Variants in ZDHHC17 observed in about 807,000 individuals in gnomAD.
The protein encoded by ZDHHC17 is zDHHC palmitoyltransferase 17, also known as palmitoyltransferase ZDHHC17.
A neutral mutation model predicts 90.3 loss-of-function variants in ZDHHC17; 40 were observed. The ratio of observed to expected loss-of-function variants is 0.44; its 90% CI spans 0.34 to 0.58. ZDHHC17 has a LOEUF of 0.58. Among genes scored for constraint, ZDHHC17 ranks in the 20% least tolerant of loss-of-function variants. ZDHHC17 has a pLI of 0.01. For synonymous variants in ZDHHC17, 235 were observed against 252.4 expected (o/e 0.93, Z 0.65); for missense variants, 614 against 780.8 (o/e 0.79, Z 2.55).
intron 1 of ZDHHC17, among the ~76,000 whole-genome samples, chr12:76,789,515 A>C (rs1952734297): frequency 6.6e-6 from 1 of 152,346 alleles, no homozygotes; most frequent in Admixed American, 6.5e-5. Flanking sequence ...TGGTATATGC[A>C]GTGGTATATA....
intron 2 of ZDHHC17, among the ~76,000 whole-genome samples, chr12:76,799,571 T>C (rs143933395): frequency 2.7e-4 from 41 of 152,332 alleles, no homozygotes; most frequent in African/African-American, 9.9e-4. Flanking sequence ...TTCTGCGTGT[T>C]GGAGCATGTT....
At chr12:76,847,310 T>G (rs1173202069) in intron 14 of ZDHHC17, among the ~76,000 whole-genome samples, 1 of 152,202 alleles carries the variant, frequency 6.6e-6, no homozygotes, top group Non-Finnish European at 1.5e-5. Context: ...ATGTATTAGA[T>G]CCTCGTTTAA....
Position 76,809,102 on chromosome 12 carries a change from C to T in ZDHHC17, c.380C>T (p.Pro127Leu). The change falls in exon 4 of 17, where the codon CCA (proline) becomes CTA (leucine). Residue 127 changes from proline (P) to leucine (L), a missense_variant. Physicochemically the swap from Pro to Leu is moderately conservative, Grantham distance 98. Coordinates refer to ENST00000426126, the MANE Select transcript of ZDHHC17 (RefSeq NM_015336.4). ...CTTGGAGGGGACCTGAATTCAACTC[C>T]ATTGCACTGGGCCACAAGGTTTAAA... is the stretch of plus-strand genomic sequence containing the variant. Reference protein sequence around the residue: ...DQLGGDLNSTPLHWATRQGHL... With the variant: ...DQLGGDLNSTLLHWATRQGHL... 6.4e-7 allele frequency: 1 copy of T among 1,562,612 alleles called. No individual in the cohort carries two copies. The highest frequency in any genetic ancestry group is 8.7e-7 in the Non-Finnish European group (1 of 1,155,434).
intron 1 of ZDHHC17, among the ~76,000 whole-genome samples, chr12:76,788,688 A>ATATATTTTTTTTTTTTT (rs61663401): frequency 3.0e-5 from 3 of 98,648 alleles, no homozygotes; most frequent in East Asian, 3.6e-4. Context: ...TGGAATCGCA[A>ATATATTTTTTTTTTTTT]TTTTTTTTTT....
intron 1 of ZDHHC17, among the ~76,000 whole-genome samples, chr12:76,785,475 A>C (rs78308312): frequency 3.7e-4 from 57 of 152,226 alleles, no homozygotes; most frequent in Non-Finnish European, 6.6e-4. Flanking sequence ...TAAAGTTAAA[A>C]ATTATAAGTT....
intron 2 of ZDHHC17, among the ~76,000 whole-genome samples, chr12:76,802,300 T>C (rs1295782502): frequency 2.0e-5 from 3 of 152,252 alleles, no homozygotes; most frequent in African/African-American, 7.2e-5. Context: ...AAGTTTCTGA[T>C]GAGAAATCTT....
At chr12:76,804,951 A>AAC (rs1952938506) in intron 2 of ZDHHC17, among the ~76,000 whole-genome samples, 1 of 152,106 alleles carries the variant, frequency 6.6e-6, no homozygotes, top group Non-Finnish European at 1.5e-5. Context: ...AATCATTTAT[A>AAC]TGCATCTTGT....
At chr12:76,836,848 G>A (rs1393669817) in intron 10 of ZDHHC17, among the ~76,000 whole-genome samples, 1 of 152,114 alleles carries the variant, frequency 6.6e-6, no homozygotes, top group East Asian at 1.9e-4. Flanking sequence ...TATTAAGTAT[G>A]TGTAAGTTTA....
At chr12:76,834,167 A>C (rs1031053645) in intron 10 of ZDHHC17, among the ~76,000 whole-genome samples, 1 of 152,204 alleles carries the variant, frequency 6.6e-6, no homozygotes, top group South Asian at 2.1e-4. Flanking sequence ...AATTGGACTC[A>C]TGACTGATTT....
chr12:76,766,817 C>T (rs1344527315), intron 1 of ZDHHC17, among the ~76,000 whole-genome samples: 5 of 151,816 alleles, frequency 3.3e-5, no homozygotes, highest in African/African-American at 4.8e-5. Flanking sequence ...CCCAGGAGTT[C>T]GAGACCATCC....
intron 1 of ZDHHC17, among the ~76,000 whole-genome samples, chr12:76,794,061 T>G (rs928196893): frequency 1.3e-5 from 2 of 151,854 alleles, no homozygotes; most frequent in Admixed American, 6.6e-5. Context: ...AAATTTTGTA[T>G]TTTTTAGTAG....
intron 1 of ZDHHC17, among the ~76,000 whole-genome samples, chr12:76,786,005 A>G (rs1283401116): frequency 1.3e-5 from 2 of 152,236 alleles, no homozygotes; most frequent in Non-Finnish European, 2.9e-5. Context: ...ATATTAATAC[A>G]GAGGAAGGGA....
In ZDHHC17 at chr12:76,815,990, G is replaced by T; in HGVS notation, c.742G>T (p.Gly248Ter). The change falls in exon 7 of 17, where the codon GGA (glycine) becomes TGA (stop). Residue 248 changes from glycine (G) to a stop codon, truncating the protein, a stop_gained. Coordinates refer to ENST00000426126, the MANE Select transcript of ZDHHC17 (RefSeq NM_015336.4). LOFTEE classifies it high-confidence loss of function. ...TTVISLLLEA[G>*]ANVDAQNIKG... Reference sequence around the variant, plus strand: ...AGTCATTAGCCTTCTTCTGGAAGCTGGAGCTAATGTTGATGCCCAGAATAT... The same window carrying T: ...AGTCATTAGCCTTCTTCTGGAAGCTTGAGCTAATGTTGATGCCCAGAATAT... 6.4e-7 allele frequency: 1 copy of T among 1,564,674 alleles called. No homozygotes were observed. Among genetic ancestry groups the T allele is most frequent in the Non-Finnish European group, 8.7e-7 (1 of 1,154,938 alleles).
intron 1 of ZDHHC17, among the ~76,000 whole-genome samples, chr12:76,776,313 A>G (rs939703105): frequency 2.6e-5 from 4 of 152,150 alleles, no homozygotes; most frequent in Admixed American, 2.0e-4. Context: ...TGATTATTGT[A>G]AAAAATTTAA....
intron 2 of ZDHHC17, among the ~76,000 whole-genome samples, chr12:76,800,400 AC>A (rs1465534448): frequency 1.3e-5 from 2 of 152,194 alleles, no homozygotes; most frequent in East Asian, 3.8e-4. Flanking sequence ...TTCCTTACTT[AC>A]GTCTAGTTCT....
At chr12:76,768,426 A>G (rs1425822151) in intron 1 of ZDHHC17, among the ~76,000 whole-genome samples, 2 of 152,226 alleles carry the variant, frequency 1.3e-5, no homozygotes, top group East Asian at 3.8e-4. Context: ...CAACTTGAGC[A>G]TCTGTCTACT....
At chr12:76,776,896 A>G (rs558222084) in intron 1 of ZDHHC17, among the ~76,000 whole-genome samples, 18 of 152,306 alleles carry the variant, frequency 1.2e-4, no homozygotes, top group African/African-American at 3.8e-4. Context: ...ATATTTTATG[A>G]TAAATTGTGC....
intron 14 of ZDHHC17, 113 bp downstream of exon 14, chr12:76,846,792 T>G (rs1399257670): frequency 2.3e-6 from 2 of 864,098 alleles, no homozygotes; most frequent in Admixed American, 5.0e-5. Flanking sequence ...AAAATTATGG[T>G]TTGGACACCT....
At chr12:76,806,072 T>C (rs1247013815) in intron 3 of ZDHHC17, among the ~76,000 whole-genome samples, 3 of 152,190 alleles carry the variant, frequency 2.0e-5, no homozygotes, top group Non-Finnish European at 4.4e-5. Flanking sequence ...TTTGACACTT[T>C]GGACACAAAA....
Sources: gnomAD v4.1 joint callset for allele counts (sites outside exome capture counted in the v4.1 genomes callset) on GRCh38, gnomAD v4.1.1 for gene constraint, MANE v1.5 for transcripts, NCBI Gene and HGNC (gene_info 2026-07-23, HGNC 2026-07-21) for gene names.